Variants in SLC49A4 observed in about 807,000 individuals in gnomAD.
The protein encoded by SLC49A4 is disrupted in renal cancer protein 2.
Under a neutral mutation model 50.6 loss-of-function variants are expected in SLC49A4, and 36 were observed. That is an observed-to-expected ratio of 0.71 (90% CI 0.55 to 0.94). SLC49A4 has a LOEUF of 0.94. SLC49A4 is among the 40% of genes least tolerant of loss of function. The pLI, the probability that SLC49A4 is intolerant of heterozygous loss-of-function variation, is 0.00. For missense variants in SLC49A4, 503 were observed against 605.7 expected (o/e 0.83, Z 1.78); for synonymous variants, 248 against 241.2 (o/e 1.03, Z -0.26).
Position 122,879,420 on chromosome 3 carries a change from A to T in SLC49A4, c.*42A>T. 5 of 1,426,396 alleles carry T rather than the reference A, an allele frequency of 3.5e-6. No homozygotes were observed. Among genetic ancestry groups the T allele is most frequent in the Non-Finnish European group, 4.9e-6 (5 of 1,013,512 alleles). 88.4% of individuals were successfully genotyped at this position (1,426,396 alleles called of 1,614,324 possible). On this transcript the variant is annotated 3_prime_UTR_variant, in exon 9 of 9. Coordinates refer to ENST00000261038, the MANE Select transcript of SLC49A4 (RefSeq NM_032839.3). ...GAGTTTAAAAGGAGGCTGGAAATCA[A>T]TACTGCACACTGCACATTTGCTCAG...
intron 4 of SLC49A4, among the ~76,000 whole-genome samples, chr3:122,840,964 T>A (rs1377693943): frequency 6.6e-6 from 1 of 152,232 alleles, no homozygotes; most frequent in East Asian, 1.9e-4. Context: ...CTCGTAATTT[T>A]TAACAAATTT....
At chr3:122,843,235 A>C (rs1244352185) in intron 4 of SLC49A4, among the ~76,000 whole-genome samples, 1 of 151,458 alleles carries the variant, frequency 6.6e-6, no homozygotes, top group Non-Finnish European at 1.5e-5. Context: ...TTAACTTTTC[A>C]TTTGGGAATG....
rs191400824 is a variant in SLC49A4 at position 122,806,136 on chromosome 3, T to C, written c.344-721T>C. Among the ~76,000 whole-genome samples, 349 of 152,312 alleles carry C rather than the reference T, an allele frequency of 2.3e-3. 2 individuals are homozygous for C. The highest frequency in any genetic ancestry group is 7.7e-3 in the African/African-American group (322 of 41,582). Reference sequence around the variant, plus strand: ...GCAGTACTCTATCACCTTAAAATACTTTTTAGGGACAGTTAAGAGTTTTTT... The same window carrying C: ...GCAGTACTCTATCACCTTAAAATACCTTTTAGGGACAGTTAAGAGTTTTTT... On this transcript the variant is annotated intron_variant, in intron 1 of 8. Coordinates refer to ENST00000261038, the MANE Select transcript of SLC49A4 (RefSeq NM_032839.3).
At chr3:122,846,410 T>TAA (rs748925869) in intron 5 of SLC49A4, among the ~76,000 whole-genome samples, 33 of 146,394 alleles carry the variant, frequency 2.3e-4, no homozygotes, top group South Asian at 1.3e-3. Flanking sequence ...ATTGTATGAG[T>TAA]AAAAAAAAAA....
At chr3:122,867,777 C>G (rs995100584) in intron 7 of SLC49A4, among the ~76,000 whole-genome samples, 1 of 151,928 alleles carries the variant, frequency 6.6e-6, no homozygotes, top group Non-Finnish European at 1.5e-5. Context: ...GTCAGGAGAT[C>G]GAGACCATCC....
intron 2 of SLC49A4, among the ~76,000 whole-genome samples, chr3:122,811,322 G>A (rs555358828): frequency 3.3e-5 from 5 of 152,268 alleles, no homozygotes; most frequent in East Asian, 3.9e-4. Flanking sequence ...TTGAGAACTC[G>A]AGAGAACTCA....
Position 122,860,129 on chromosome 3 carries a change from G to A in SLC49A4, c.1065G>A (p.Ser355=), listed in dbSNP as rs1347078279. 4.3e-6 allele frequency: 7 copies of A among 1,612,782 alleles called. No individual in the cohort carries two copies. The highest frequency in any genetic ancestry group is 1.3e-5 in the African/African-American group (1 of 74,792). Residue 355 remains serine, a synonymous_variant, in exon 7 of 9, where the codon TCG becomes TCA. Transcript: ENST00000261038. Reference sequence around the variant, plus strand: ...AACTAATTCTTCTCCTCCTGTTTTCGGGAGCTACACTGTCATCCACGTGGT... The same window carrying A: ...AACTAATTCTTCTCCTCCTGTTTTCAGGAGCTACACTGTCATCCACGTGGT... The part of the protein sequence containing the change: ...MLKLILLLLF[S]GATLSSTWFT...
intron 7 of SLC49A4, among the ~76,000 whole-genome samples, chr3:122,864,235 AT>A (rs1937089252): frequency 6.6e-6 from 1 of 152,228 alleles, no homozygotes; most frequent in Non-Finnish European, 1.5e-5. Context: ...AACTCAGAAT[AT>A]TTAAAATTGC....
intron 2 of SLC49A4, among the ~76,000 whole-genome samples, chr3:122,809,991 G>A (rs377325486): frequency 3.2e-4 from 48 of 152,262 alleles, no homozygotes; most frequent in South Asian, 1.7e-3. Context: ...CAACAAATCA[G>A]GTGTATAGCC....
chr3:122,815,341 G>A (rs748888157), intron 2 of SLC49A4, among the ~76,000 whole-genome samples: 1 of 152,062 alleles, frequency 6.6e-6, no homozygotes, highest in African/African-American at 2.4e-5. Context: ...TGCCCGCCTC[G>A]GCCTCTCAAA....
chr3:122,872,160 T>G (rs1353983780), intron 7 of SLC49A4, among the ~76,000 whole-genome samples: 1 of 152,192 alleles, frequency 6.6e-6, no homozygotes, highest in Non-Finnish European at 1.5e-5. Flanking sequence ...AATTGTTTTG[T>G]GCTCTGGAAT....
chr3:122,861,512 G>A (rs1937057503), intron 7 of SLC49A4, among the ~76,000 whole-genome samples: 1 of 152,218 alleles, frequency 6.6e-6, no homozygotes, highest in Admixed American at 6.5e-5. Flanking sequence ...GCATTTGTGT[G>A]AGTAGAAATA....
At chr3:122,851,193 C>T (rs968071049) in intron 5 of SLC49A4, among the ~76,000 whole-genome samples, 6 of 152,124 alleles carry the variant, frequency 3.9e-5, no homozygotes, top group South Asian at 4.1e-4. Flanking sequence ...TTCATTGACT[C>T]GAATTTATCT....
chr3:122,806,721 TC>T, intron 1 of SLC49A4, 135 bp from the exon 2 acceptor site: 10 of 599,960 alleles, frequency 1.7e-5, no homozygotes, highest in East Asian at 3.3e-5. Context: ...TTTTTTTTTT[TC>T]CATTTTTAAA....
chr3:122,810,991 T>G (rs907728106), intron 2 of SLC49A4, among the ~76,000 whole-genome samples: 9 of 152,232 alleles, frequency 5.9e-5, no homozygotes, highest in African/African-American at 1.9e-4. Context: ...AGAACATGAC[T>G]GTTTTACAGA....
At chr3:122,858,776 G>T (rs1233935775) in intron 6 of SLC49A4, among the ~76,000 whole-genome samples, 2 of 152,200 alleles carry the variant, frequency 1.3e-5, no homozygotes, top group East Asian at 3.9e-4. Flanking sequence ...AAGAGGAACA[G>T]TTCTGAAGGA....
chr3:122,871,260 T>G (rs1230184363), intron 7 of SLC49A4, among the ~76,000 whole-genome samples: 1 of 152,154 alleles, frequency 6.6e-6, no homozygotes, highest in African/African-American at 2.4e-5. Context: ...CCCCGAAGAC[T>G]AATGTAATTG....
Position 122,845,872 on chromosome 3 carries a change from G to A in SLC49A4, c.942+1G>A. ...TTTAACACCAGCGCATGTCAGCCAA[G>A]TAAGTATTTTATTTCTTTATATGTT... On this transcript the variant is annotated splice_donor_variant, in intron 5 of 8. Transcript: ENST00000261038. LOFTEE classifies it high-confidence loss of function. The A allele has an allele frequency of 6.3e-7, 1 of 1,594,504 alleles. No individual in the cohort carries two copies. Among genetic ancestry groups the A allele is most frequent in the Non-Finnish European group, 8.6e-7 (1 of 1,167,926 alleles).
chr3:122,796,016 C>G (rs1936032512), intron 1 of SLC49A4, among the ~76,000 whole-genome samples: 2 of 152,200 alleles, frequency 1.3e-5, no homozygotes, highest in Admixed American at 1.3e-4. Context: ...TTGGGAAACT[C>G]AGATCTGACA....
Sources: allele counts gnomAD v4.1 joint callset (sites outside exome capture counted in the v4.1 genomes callset), GRCh38; gene constraint gnomAD v4.1.1; transcripts MANE v1.5; gene names NCBI Gene and HGNC (gene_info 2026-07-23, HGNC 2026-07-21).